Variants in EFS observed in about 807,000 individuals in gnomAD.
EFS encodes Cas scaffolding protein family member 3.
In EFS, 34 loss-of-function variants were observed where a neutral mutation model predicts 42.2. The observed-to-expected ratio is 0.81, with a 90% CI of 0.61 to 1.07. The LOEUF (loss-of-function observed/expected upper bound fraction) is 1.07, where lower values mean the gene tolerates loss of function less well. Ranked by LOEUF, EFS falls within the 50% of genes least tolerant of loss-of-function variation. EFS has a pLI of 0.00. For missense variants in EFS, 717 were observed against 729.4 expected, an observed-to-expected ratio of 0.98 and a Z score of 0.20; for synonymous variants, 299 against 320.7, an observed-to-expected ratio of 0.93 and a Z score of 0.72.
rs148307786 is a variant in EFS at position 23,360,752 on chromosome 14, C to A, written c.100G>T (p.Val34Phe). Reference protein sequence around the residue: ...LSFRRGDVLRVLQREGAGGLD... With the variant: ...LSFRRGDVLRFLQREGAGGLD... ...CCACCAGCGCCCTCTCTCTGCAGGA[C>A]CCGTAGGACATCCCCTCGGCGGAAG... Residue 34 changes from valine to phenylalanine, a missense_variant, in exon 2 of 6, where the codon GTC becomes TTC. By Grantham distance (50) the Val-to-Phe change is conservative. Transcript: ENST00000216733. 4.2e-5 allele frequency: 68 copies of A among 1,613,876 alleles called. No individual in the cohort carries two copies. The highest frequency in any genetic ancestry group is 5.3e-5 in the Non-Finnish European group (63 of 1,179,978).
At chr14:23,360,068 C>G (rs1454018515) in intron 3 of EFS, 29 bp from the exon 4 acceptor site, 5 of 1,613,986 alleles carry the variant, frequency 3.1e-6, no homozygotes, top group Non-Finnish European at 4.2e-6. Flanking sequence ...AGTCATCTGT[C>G]AGCTCAGCGA....
chr14:23,364,532 C>T (rs1468498339), intron 1 of EFS, among the ~76,000 whole-genome samples: 1 of 152,142 alleles, frequency 6.6e-6, no homozygotes, highest in Non-Finnish European at 1.5e-5. Context: ...CCCTCCTTTG[C>T]TCTATCTCCC....
intron 1 of EFS, among the ~76,000 whole-genome samples, chr14:23,363,634 T>C (rs963369538): frequency 6.6e-6 from 1 of 152,010 alleles, no homozygotes. Context: ...CGTTACAGAT[T>C]GAGGAACTAA....
In EFS at chr14:23,359,819, G is replaced by A. The variant is rs146359733; in HGVS notation, c.659C>T (p.Pro220Leu). The A allele has an allele frequency of 2.0e-6, 3 of 1,523,874 alleles. No individual in the cohort carries two copies. Among genetic ancestry groups the A allele is most frequent in the Middle Eastern group, 1.8e-4 (1 of 5,624 alleles). The allele number at this position is 1,523,874 out of a possible 1,614,324, so 94.4% of individuals were successfully genotyped here. ...REPGPPIYAA[P>L]SNLKRASALL... ...GGCTGACGCTCGTTTCAGGTTGGAGGGGGCAGCATAGATGGGGGGCCCCGG... is the reference window on the plus strand; with the variant it reads ...GGCTGACGCTCGTTTCAGGTTGGAGAGGGCAGCATAGATGGGGGGCCCCGG... Residue 220 changes from proline to leucine, a missense_variant, in exon 4 of 6, where the codon CCC (proline) becomes CTC (leucine). By Grantham distance (98) the Pro-to-Leu change is moderately conservative. Coordinates refer to ENST00000216733, the MANE Select transcript of EFS (RefSeq NM_005864.4).
chr14:23,364,918 G>A, intron 1 of EFS, 90 bp downstream of exon 1: 2 of 1,164,812 alleles, frequency 1.7e-6, no homozygotes, highest in Non-Finnish European at 2.2e-6. Flanking sequence ...CAAGGAGAGA[G>A]ACAAAGAGAG....
intron 5 of EFS, among the ~76,000 whole-genome samples, 166 bp from the exon 6 acceptor site, chr14:23,357,826 A>G (rs1889979787): frequency 3.3e-5 from 5 of 152,234 alleles, no homozygotes; most frequent in Admixed American, 6.5e-5. Flanking sequence ...AAGTGCCCAC[A>G]CTTGATATCA....
At position 23,358,893 on chromosome 14, in the gene EFS, C is replaced by T; in HGVS notation, c.1234G>A (p.Gly412Arg). The T allele has an allele frequency of 6.2e-7, 1 of 1,612,480 alleles. No individual in the cohort carries two copies. The highest frequency in any genetic ancestry group is 8.5e-7 in the Non-Finnish European group (1 of 1,179,316). ...AGGGTCACCTGCGGCGCCGGCATCC[C>T]CCTCTCGGGCAGTTCAGGATCCCCT... The part of the protein sequence containing the change: ...CTGDPELPER[G>R]MPAPQEALSP... The change falls in exon 5 of 6, where the codon GGG becomes AGG. Residue 412 changes from glycine to arginine, a missense_variant. Gly to Arg is a moderately radical substitution (Grantham distance 125, BLOSUM62 -2). Transcript: ENST00000216733.
chr14:23,363,258 C>G (rs2138544647), intron 1 of EFS, among the ~76,000 whole-genome samples: 1 of 152,226 alleles, frequency 6.6e-6, no homozygotes, highest in Non-Finnish European at 1.5e-5. Flanking sequence ...GATTGTTTAA[C>G]CTTTCTGAGT....
At chr14:23,363,909 G>C (rs1427212518) in intron 1 of EFS, among the ~76,000 whole-genome samples, 2 of 151,450 alleles carry the variant, frequency 1.3e-5, no homozygotes, top group Non-Finnish European at 2.9e-5. Context: ...ACTCCAGCCT[G>C]GGTGACAGGG....
At chr14:23,361,010 T>A (rs1890137080) in intron 1 of EFS, among the ~76,000 whole-genome samples, 177 bp from the exon 2 acceptor site, 1 of 152,248 alleles carries the variant, frequency 6.6e-6, no homozygotes, top group African/African-American at 2.4e-5. Context: ...GCATTCTCCC[T>A]CTTCCTTTCA....
Position 23,360,229 on chromosome 14 carries a change from G to A in EFS, c.350C>T (p.Ala117Val), listed in dbSNP as rs1378109695. The A allele has an allele frequency of 1.2e-6, 2 of 1,614,100 alleles. No homozygotes were observed. The highest frequency in any genetic ancestry group is 2.2e-5 in the South Asian group (2 of 91,084). ...GTCAGGAGAGGGTGGGCAAGGTCCA[G>A]CTGGAGGTCCTGAGGTTGGACAGGG... ...ARPCPTSGPP[A>V]GPCPPSPDLI... The change falls in exon 3 of 6, where the codon GCT becomes GTT. Residue 117 changes from alanine to valine, a missense_variant. Coordinates refer to ENST00000216733, the MANE Select transcript of EFS (RefSeq NM_005864.4).
At position 23,357,294 on chromosome 14, in the gene EFS, G is replaced by T; in HGVS notation, c.1618C>A (p.Gln540Lys). 6.2e-7 allele frequency: 1 copy of T among 1,608,370 alleles called. No individual in the cohort carries two copies. The highest frequency in any genetic ancestry group is 8.5e-7 in the Non-Finnish European group (1 of 1,175,850). ...TGCCCTGCCAGTTCTGTTACACACT[G>T]CACCATCTCTTGGATGGCAGGGCTG... Reference protein sequence around the residue: ...PSSPAIQEMVQCVTELAGQAL... With the variant: ...PSSPAIQEMVKCVTELAGQAL... The change falls in exon 6 of 6, where the codon CAG becomes AAG. Residue 540 changes from glutamine (Q) to lysine (K), a missense_variant. By Grantham distance (53) the Gln-to-Lys change is moderately conservative. Coordinates refer to ENST00000216733, the MANE Select transcript of EFS (RefSeq NM_005864.4).
Position 23,360,721 on chromosome 14 carries a change from T to C in EFS, c.131A>G (p.Asp44Gly). 2 of 1,613,778 alleles carry C rather than the reference T, an allele frequency of 1.2e-6. No individual in the cohort carries two copies. Among genetic ancestry groups the C allele is most frequent in the Admixed American group, 1.7e-5 (1 of 60,006 alleles). ...GTGTAGGGAGCAGAGGCACCAGCCG[T>C]CCAGTCCACCAGCGCCCTCTCTCTG... ...VLQREGAGGL[D>G]GWCLCSLHGQ... is the part of the protein sequence containing the mutation. The change falls in exon 2 of 6, where the codon GAC (aspartate) becomes GGC (glycine). Residue 44 changes from aspartate (D) to glycine (G), a missense_variant. By Grantham distance (94) the Asp-to-Gly change is moderately conservative. Transcript: ENST00000216733.
chr14:23,359,003 G>C (rs771471530), intron 4 of EFS, 38 bp from the exon 5 acceptor site: 1 of 1,562,110 alleles, frequency 6.4e-7, no homozygotes, highest in East Asian at 2.3e-5. Flanking sequence ...CGGGGTGGGG[G>C]AGCAGGACGG....
At chr14:23,362,015 G>A (rs1306606976) in intron 1 of EFS, among the ~76,000 whole-genome samples, 3 of 152,028 alleles carry the variant, frequency 2.0e-5, no homozygotes, top group African/African-American at 7.3e-5. Context: ...ACAAATGTAG[G>A]AATCTACTTA....
Position 23,356,759 on chromosome 14 carries a change from T to G in EFS, c.*467A>C, listed in dbSNP as rs1379467728. ...AAGCCCTCCGGTCTTTCCGAGAACCTTCAAACTCTGGACAGTTTATGTCTT... is the reference window on the plus strand; with the variant it reads ...AAGCCCTCCGGTCTTTCCGAGAACCGTCAAACTCTGGACAGTTTATGTCTT... On this transcript the variant is annotated 3_prime_UTR_variant, in exon 6 of 6. Transcript: ENST00000216733. 6.6e-6 allele frequency: 1 copy of G among 152,614 alleles called. No individual in the cohort carries two copies. Among genetic ancestry groups the G allele is most frequent in the African/African-American group, 2.4e-5 (1 of 41,474 alleles). The allele number at this position is 152,614 out of a possible 1,614,324, so 9.5% of individuals were successfully genotyped here.
rs1296584787 is a variant in EFS, at chr14:23,359,716, A to T, written c.762T>A (p.Asp254Glu). The T allele has an allele frequency of 6.6e-7, 1 of 1,515,508 alleles. No individual in the cohort carries two copies. Among genetic ancestry groups the T allele is most frequent in the Non-Finnish European group, 8.8e-7 (1 of 1,133,234 alleles). 93.9% of individuals were successfully genotyped at this position (1,515,508 alleles called of 1,614,324 possible). The stretch of plus-strand genomic sequence containing the variant: ...GAGCCTCTGGCCCCAGCAGAGGCAC[A>T]TCGTAGATCCCCTCATCAGTGCCCC... Reference protein sequence around the residue: ...EGGGTDEGIYDVPLLGPEAPP... With the variant: ...EGGGTDEGIYEVPLLGPEAPP... Residue 254 changes from aspartate to glutamate, a missense_variant, in exon 4 of 6, where the codon GAT becomes GAA. Transcript: ENST00000216733.
At chr14:23,361,281 A>C (rs1241048267) in intron 1 of EFS, among the ~76,000 whole-genome samples, 1 of 152,216 alleles carries the variant, frequency 6.6e-6, no homozygotes, top group Non-Finnish European at 1.5e-5. Flanking sequence ...AAACATGTGA[A>C]GCCCTGCTAC....
chr14:23,357,248 A>C lies in EFS; in HGVS notation c.1664T>G (p.Leu555Arg). 6.4e-7 allele frequency: 1 copy of C among 1,562,888 alleles called. No individual in the cohort carries two copies. The highest frequency in any genetic ancestry group is 8.7e-7 in the Non-Finnish European group (1 of 1,146,806). ...CCTTCATGGAGCCAGGCTAGTGAGC[A>C]GGGTAGTGAATTGCAGGGCCTGCCC... ...LAGQALQFTT[L>R]LTSLAP The change falls in exon 6 of 6, where the codon CTG becomes CGG. Residue 555 changes from leucine to arginine, a missense_variant. Coordinates refer to ENST00000216733, the MANE Select transcript of EFS (RefSeq NM_005864.4).
Sources: gnomAD v4.1 joint callset for allele counts (sites outside exome capture counted in the v4.1 genomes callset) on GRCh38, gnomAD v4.1.1 for gene constraint, MANE v1.5 for transcripts, NCBI Gene and HGNC (gene_info 2026-07-23, HGNC 2026-07-21) for gene names.